The following FBXW10B variants were observed in gnomAD, a reference collection of about 807,000 sequenced individuals.
The protein encoded by FBXW10B is F-box and WD repeat domain containing protein 10B.
the FBXW10B span, among the ~76,000 whole-genome samples, chr17:15,618,547 A>C: frequency 7.1e-6 from 1 of 140,380 alleles, no homozygotes; most frequent in African/African-American, 2.6e-5. Flanking sequence ...GGAGCATGGT[A>C]GAGTGAATGA....
At chr17:15,611,698 C>T in the FBXW10B span, among the ~76,000 whole-genome samples, 2 of 152,196 alleles carry the variant, frequency 1.3e-5, no homozygotes, top group African/African-American at 2.4e-5. Flanking sequence ...AAGCGACAGT[C>T]AAACCATCCC....
chr17:15,619,561 A>ACGCCAC, the FBXW10B span: 1 of 1,583,936 alleles, frequency 6.3e-7, no homozygotes, highest in Non-Finnish European at 8.6e-7. Context: ...TGCAACGGCA[A>ACGCCAC]CGCCACCAAA....
chr17:15,604,020 C>A, the FBXW10B span, among the ~76,000 whole-genome samples: 1 of 145,110 alleles, frequency 6.9e-6, no homozygotes, highest in Non-Finnish European at 1.5e-5. Flanking sequence ...GCGGAGCTTG[C>A]AGTGAGCCAA....
At chr17:15,586,145 G>T in the FBXW10B span, among the ~76,000 whole-genome samples, 1 of 151,564 alleles carries the variant, frequency 6.6e-6, no homozygotes, top group Non-Finnish European at 1.5e-5. Context: ...ATTGGTTGTT[G>T]TTTCTACCGT....
chr17:15,614,474 G>T, the FBXW10B span, among the ~76,000 whole-genome samples: 1 of 152,030 alleles, frequency 6.6e-6, no homozygotes, highest in Admixed American at 6.6e-5. Context: ...GATTACAGGC[G>T]TGAGGCACTG....
the FBXW10B span, among the ~76,000 whole-genome samples, chr17:15,603,404 T>A: frequency 2.2e-3 from 334 of 152,194 alleles, 2 homozygotes; most frequent in African/African-American, 6.2e-3. Context: ...CTCCTATGTA[T>A]ATACACATTG....
chr17:15,619,378 G>A, the FBXW10B span: 1 of 1,613,812 alleles, frequency 6.2e-7, no homozygotes, highest in South Asian at 1.1e-5. Flanking sequence ...TGATCCTGCA[G>A]AACCACTCTT....
the FBXW10B span, chr17:15,571,351 AAAAAAGTGCGT>A: frequency 6.6e-6 from 1 of 152,172 alleles, no homozygotes; most frequent in African/African-American, 2.4e-5. Context: ...TCAAAAAAAA[AAAAAAGTGCGT>A]AAAAGATTTA....
At chr17:15,601,974 T>A in the FBXW10B span, among the ~76,000 whole-genome samples, 1 of 151,842 alleles carries the variant, frequency 6.6e-6, no homozygotes, top group Non-Finnish European at 1.5e-5. Context: ...TAGCCAGGCA[T>A]GGTGGCGGGT....
chr17:15,612,955 G>C, the FBXW10B span: 45,954 of 1,218,272 alleles, frequency 0.038, 1,557 homozygotes, highest in East Asian at 0.19. Flanking sequence ...GCAGCAGGCA[G>C]GCCCACTTCT....
the FBXW10B span, among the ~76,000 whole-genome samples, chr17:15,600,231 A>AG: frequency 6.7e-6 from 1 of 149,186 alleles, no homozygotes; most frequent in Non-Finnish European, 1.5e-5. Flanking sequence ...AAAAAAAAAA[A>AG]TGTACTTACT....
the FBXW10B span, among the ~76,000 whole-genome samples, chr17:15,578,152 C>T: frequency 4.7e-4 from 72 of 152,004 alleles, no homozygotes; most frequent in African/African-American, 1.6e-3. Context: ...GTTCACAGAA[C>T]AGATCAGAGA....
the FBXW10B span, chr17:15,598,346 T>C: frequency 8.4e-6 from 6 of 712,308 alleles, no homozygotes; most frequent in African/African-American, 2.0e-5. Context: ...CTACAGACGG[T>C]TGTTGAATGG....
At chr17:15,586,535 G>T in the FBXW10B span, among the ~76,000 whole-genome samples, 1 of 151,622 alleles carries the variant, frequency 6.6e-6, no homozygotes, top group Non-Finnish European at 1.5e-5. Flanking sequence ...AAAAATTTTT[G>T]AAATCCATGC....
At chr17:15,610,549 C>G in the FBXW10B span, among the ~76,000 whole-genome samples, 1 of 152,174 alleles carries the variant, frequency 6.6e-6, no homozygotes, top group African/African-American at 2.4e-5. Flanking sequence ...TTGGTAGTTA[C>G]CCAAGAGACT....
chr17:15,619,237 G>A, the FBXW10B span: 215 of 1,613,988 alleles, frequency 1.3e-4, 4 homozygotes, highest in South Asian at 2.2e-3. Flanking sequence ...TGCTGAGGTC[G>A]ATCCGGGACC....
the FBXW10B span, among the ~76,000 whole-genome samples, chr17:15,578,726 A>G: frequency 6.6e-6 from 1 of 152,158 alleles, no homozygotes. Context: ...AGCTGGGACA[A>G]TAGGAATCAC....
chr17:15,608,838 A>C, the FBXW10B span, among the ~76,000 whole-genome samples: 21 of 152,230 alleles, frequency 1.4e-4, no homozygotes, highest in African/African-American at 4.8e-4. Flanking sequence ...CTTGCCCCAC[A>C]AAATGTTCTC....
the FBXW10B span, among the ~76,000 whole-genome samples, chr17:15,590,543 TA>T: frequency 9.5e-5 from 14 of 147,854 alleles, no homozygotes; most frequent in African/African-American, 3.6e-4. Context: ...TCCTGGTTTA[TA>T]GTTGACCTTC....
Sources: allele counts gnomAD v4.1 joint callset (sites outside exome capture counted in the v4.1 genomes callset), GRCh38; gene constraint gnomAD v4.1.1; transcripts MANE v1.5; gene names NCBI Gene and HGNC (gene_info 2026-07-23, HGNC 2026-07-21).